Variants in TTC38 observed in about 807,000 individuals in gnomAD.
TTC38 encodes tetratricopeptide repeat protein 38.
Under a neutral mutation model 64.2 loss-of-function variants are expected in TTC38, and 64 were observed. That is an observed-to-expected ratio of 1.00 (90% CI 0.81 to 1.23). TTC38 has a LOEUF of 1.23. Among genes scored for constraint, TTC38 ranks in the 50% most tolerant of loss-of-function variants. The probability of loss-of-function intolerance (pLI) is 0.00; values close to 1 mark genes in which losing one functional copy is unlikely to be tolerated. For synonymous variants in TTC38, 254 were observed against 249.3 expected (o/e 1.02, Z -0.18); for missense variants, 573 against 615.5 (o/e 0.93, Z 0.73).
intron 5 of TTC38, among the ~76,000 whole-genome samples, chr22:46,277,958 T>C (rs9626842): frequency 6.6e-6 from 1 of 152,154 alleles, no homozygotes; most frequent in Non-Finnish European, 1.5e-5. Context: ...TGTTGATTCT[T>C]AGAAGGTGGG....
In TTC38 at chr22:46,293,005, G is replaced by C. The variant is rs528113421; in HGVS notation, c.*121G>C. 6 of 686,986 alleles carry C rather than the reference G, an allele frequency of 8.7e-6. No individual in the cohort carries two copies. Among genetic ancestry groups the C allele is most frequent in the Non-Finnish European group, 1.5e-5 (6 of 393,410 alleles). The allele number at this position is 686,986 out of a possible 1,614,324, so 42.6% of individuals were successfully genotyped here. A position where few individuals can be genotyped will look rare whatever the true frequency, so the allele number is the denominator to read the frequency against. On this transcript the variant is annotated 3_prime_UTR_variant, in exon 14 of 14. Coordinates refer to ENST00000381031, the MANE Select transcript of TTC38 (RefSeq NM_017931.4). This position sits in a 1 kb window ranked among gnomAD's most constrained non-coding sequence, Gnocchi z 6.6. Reference sequence around the variant, plus strand: ...GCCTGTTTGTTAGGGCTGTTAGAGGGTGATCTTCAGTTTTACAGGAAGTGG... The same window carrying C: ...GCCTGTTTGTTAGGGCTGTTAGAGGCTGATCTTCAGTTTTACAGGAAGTGG...
At chr22:46,278,738 A>ACGAATGGTGCCCC in intron 6 of TTC38, 77 bp downstream of exon 6, 1 of 1,181,354 alleles carries the variant, frequency 8.5e-7, no homozygotes, top group Non-Finnish European at 1.3e-6. Context: ...GAGGGGCACC[A>ACGAATGGTGCCCC]TTCGTGTGTG....
At chr22:46,287,298 G>A in intron 10 of TTC38, 144 bp downstream of exon 10, 2 of 654,516 alleles carry the variant, frequency 3.1e-6, no homozygotes, top group South Asian at 2.1e-5. Flanking sequence ...ACTGCCTTGG[G>A]TACCGTTCTG....
At position 46,272,381 on chromosome 22, in the gene TTC38, G is replaced by A. The variant is rs767490296; in HGVS notation, c.158G>A (p.Cys53Tyr). 1.2e-6 allele frequency: 2 copies of A among 1,610,508 alleles called. No individual in the cohort carries two copies. Among genetic ancestry groups the A allele is most frequent in the South Asian group, 2.2e-5 (2 of 90,826 alleles). The change falls in exon 3 of 14, where the codon TGC becomes TAC. Residue 53 changes from cysteine to tyrosine, a missense_variant. This residue lies in a region of TTC38 where 134 missense variants were observed against 126.5 expected (regional missense o/e 1.06). Coordinates refer to ENST00000381031, the MANE Select transcript of TTC38 (RefSeq NM_017931.4). The surrounding 1 kb of genome is among the most constrained non-coding windows in gnomAD (Gnocchi z 6.4). Reference sequence around the variant, plus strand: ...AAGAGTCTCGGTGGCATCGAGGGCTGCCTGTCAAAGCTCAAAGCAGCAGAT... The same window carrying A: ...AAGAGTCTCGGTGGCATCGAGGGCTACCTGTCAAAGCTCAAAGCAGCAGAT... ...NDKSLGGIEG[C>Y]LSKLKAADPT...
intron 5 of TTC38, 60 bp from the exon 6 acceptor site, chr22:46,278,526 C>G (rs753740966): frequency 7.0e-7 from 1 of 1,423,410 alleles, no homozygotes; most frequent in Non-Finnish European, 9.9e-7. Context: ...TGCGGGGACA[C>G]AGTTCAACCT....
intron 10 of TTC38, 145 bp from the exon 11 acceptor site, chr22:46,288,278 G>T: frequency 1.4e-6 from 1 of 728,588 alleles, no homozygotes; most frequent in Non-Finnish European, 2.3e-6. Flanking sequence ...GCCAGACGCT[G>T]CCCGTGGCCC....
Position 46,278,614 on chromosome 22 carries a change from T to G in TTC38, c.568T>G (p.Leu190Val). 1 of 1,614,182 alleles carries G rather than the reference T, an allele frequency of 6.2e-7. No individual in the cohort carries two copies. The highest frequency in any genetic ancestry group is 8.5e-7 in the Non-Finnish European group (1 of 1,180,026). ...SYVKGIYSFG[L>V]METNFYDQAE... ...TGTGAAAGGCATCTACTCTTTTGGC[T>G]TGATGGAAACCAACTTCTACGACCA... Residue 190 changes from leucine (L) to valine (V), a missense_variant, in exon 6 of 14, where the codon TTG becomes GTG. Coordinates refer to ENST00000381031, the MANE Select transcript of TTC38 (RefSeq NM_017931.4).
chr22:46,281,517 C>T lies in TTC38; in HGVS notation c.616-82C>T, dbSNP rs12166608. 1.7e-3 allele frequency: 2,664 copies of T among 1,566,388 alleles called. 52 individuals are homozygous for T. The African/African-American group carries it at 0.031, about 18-fold the overall frequency. On this transcript the variant is annotated intron_variant, in intron 6 of 13. Transcript: ENST00000381031. The surrounding 1 kb of genome is among the most constrained non-coding windows in gnomAD (Gnocchi z 5.2). The stretch of plus-strand genomic sequence containing the variant: ...CCCGTTCAGCCCAGGCCCCTCTTGC[C>T]CCTTAGAGACCTGCCGTCGCCTGCC...
Position 46,273,807 on chromosome 22 carries a change from C to T in TTC38, c.194-91C>T, listed in dbSNP as rs948550837. Reference sequence around the variant, plus strand: ...GCTGCCTGGCTGGCCCCTCCTGGGACGTGGGGTGTCTCTGTGACATGTGGA... The same window carrying T: ...GCTGCCTGGCTGGCCCCTCCTGGGATGTGGGGTGTCTCTGTGACATGTGGA... On this transcript the variant is annotated intron_variant, in intron 3 of 13. Coordinates refer to ENST00000381031, the MANE Select transcript of TTC38 (RefSeq NM_017931.4). The surrounding 1 kb of genome is among the most constrained non-coding windows in gnomAD (Gnocchi z 5.1). The T allele has an allele frequency of 1.6e-5, 21 of 1,349,084 alleles. No homozygotes were observed. Among genetic ancestry groups the T allele is most frequent in the African/African-American group, 7.2e-5 (5 of 69,462 alleles). 83.6% of individuals were successfully genotyped at this position (1,349,084 alleles called of 1,614,324 possible). A position where few individuals can be genotyped will look rare whatever the true frequency, so the allele number is the denominator to read the frequency against.
intron 13 of TTC38, among the ~76,000 whole-genome samples, chr22:46,290,356 A>G (rs538471147): frequency 2.3e-3 from 343 of 152,130 alleles, no homozygotes; most frequent in Middle Eastern, 6.8e-3. Flanking sequence ...TAGTCGGGGG[A>G]GCGACAGGGA....
Position 46,288,581 on chromosome 22 carries a change from G to A in TTC38, c.1075G>A (p.Ala359Thr), listed in dbSNP as rs765288180. The change falls in exon 11 of 14, where the codon GCC (alanine) becomes ACC (threonine). Residue 359 changes from alanine (A) to threonine (T), a missense_variant. By Grantham distance (58) the Ala-to-Thr change is moderately conservative. Around this residue, in one of 3 missense-constraint regions of TTC38, gnomAD observed 371 missense variants for 381.8 expected, o/e 0.97. Coordinates refer to ENST00000381031, the MANE Select transcript of TTC38 (RefSeq NM_017931.4). ...GGAGCTGCTGACCACCCTGCGGGACGCCAGCGAGTATGCAGAGGGGCCTTC... is the reference window on the plus strand; with the variant it reads ...GGAGCTGCTGACCACCCTGCGGGACACCAGCGAGTATGCAGAGGGGCCTTC... The part of the protein sequence containing the change: ...TQELLTTLRD[A>T]SESPGENCQH... The A allele has an allele frequency of 5.0e-6, 8 of 1,613,170 alleles. No homozygotes were observed. Among genetic ancestry groups the A allele is most frequent in the East Asian group, 4.5e-5 (2 of 44,876 alleles).
intron 8 of TTC38, among the ~76,000 whole-genome samples, chr22:46,284,951 T>C (rs1171828048): frequency 2.0e-5 from 3 of 151,060 alleles, no homozygotes; most frequent in Non-Finnish European, 4.4e-5. Context: ...GCAATACCTA[T>C]ATTAACTTTC....
chr22:46,290,520 G>T (rs981558595), intron 13 of TTC38, among the ~76,000 whole-genome samples: 2 of 149,836 alleles, frequency 1.3e-5, no homozygotes, highest in Non-Finnish European at 2.9e-5. Context: ...GCTGGAGGGT[G>T]AGTGTGTTAG....
chr22:46,275,229 A>G lies in TTC38; in HGVS notation c.366-19A>G, dbSNP rs374324654. On this transcript the variant is annotated intron_variant, in intron 4 of 13. Transcript: ENST00000381031. The surrounding 1 kb of genome is among the most constrained non-coding windows in gnomAD (Gnocchi z 4.5). ...GACTATGTGTTCAGCGTTGGTGAGA[A>G]ATCTTTCTCGGTTTCCAGGAACTTT... The G allele has an allele frequency of 9.9e-5, 160 of 1,610,080 alleles. No homozygotes were observed. The highest frequency in any genetic ancestry group is 1.3e-4 in the Non-Finnish European group (151 of 1,178,362).
At position 46,273,934 on chromosome 22, in the gene TTC38, T is replaced by C. The variant is rs1334768669; in HGVS notation, c.230T>C (p.Ile77Thr). 3 of 1,614,254 alleles carry C rather than the reference T, an allele frequency of 1.9e-6. No homozygotes were observed. The highest frequency in any genetic ancestry group is 1.1e-5 in the South Asian group (1 of 91,088). The change falls in exon 4 of 14, where the codon ATT becomes ACT. Residue 77 changes from isoleucine (I) to threonine (T), a missense_variant. Ile to Thr is a moderately conservative substitution (Grantham distance 89). Around this residue, in one of 3 missense-constraint regions of TTC38, gnomAD observed 134 missense variants for 126.5 expected, o/e 1.06. Transcript: ENST00000381031. The surrounding 1 kb of genome is among the most constrained non-coding windows in gnomAD (Gnocchi z 5.1). ...GHAMATGLVL[I>T]GTGSSVKLDK... ...GCCATGGCTACTGGCCTTGTGCTGA[T>C]TGGCACTGGAAGCTCCGTGAAGCTG...
chr22:46,272,606 T>C lies in TTC38; in HGVS notation c.193+190T>C, dbSNP rs1320402383. ...GGAAAAACAGTCACTCCCATAAAGA[T>C]GCCAGGTTCTATCAGAAGGCATTTT... On this transcript the variant is annotated intron_variant, in intron 3 of 13. Coordinates refer to ENST00000381031, the MANE Select transcript of TTC38 (RefSeq NM_017931.4). This position sits in a 1 kb window ranked among gnomAD's most constrained non-coding sequence, Gnocchi z 6.4. 6.6e-6 allele frequency among the ~76,000 whole-genome samples: 1 copy of C among 152,098 alleles called. No homozygotes were observed. Among genetic ancestry groups the C allele is most frequent in the Non-Finnish European group, 1.5e-5 (1 of 68,016 alleles).
In TTC38 at chr22:46,280,780, C is replaced by T. The variant is rs527694981; in HGVS notation, c.616-819C>T. On this transcript the variant is annotated intron_variant, in intron 6 of 13. Transcript: ENST00000381031. ...GGGGCTTCTGGACCCCTATGAAAGGCGTGGGGAGACTGAGGCAGTGGGGCT... is the reference window on the plus strand; with the variant it reads ...GGGGCTTCTGGACCCCTATGAAAGGTGTGGGGAGACTGAGGCAGTGGGGCT... 1.0e-3 allele frequency among the ~76,000 whole-genome samples: 155 copies of T among 152,258 alleles called. 1 individual carries two copies. The highest frequency in any genetic ancestry group is 3.6e-3 in the African/African-American group (148 of 41,560).
In TTC38 at chr22:46,272,542, T is replaced by C; in HGVS notation, c.193+126T>C. ...GGGTGGCAGCAACCAGGGTGGCATT[T>C]GCACAGAGGGAGAGAAGATGACAGC... On this transcript the variant is annotated intron_variant, in intron 3 of 13. Transcript: ENST00000381031. The surrounding 1 kb of genome is among the most constrained non-coding windows in gnomAD (Gnocchi z 6.4). 1.4e-6 allele frequency: 1 copy of C among 714,756 alleles called. No homozygotes were observed. The highest frequency in any genetic ancestry group is 2.4e-6 in the Non-Finnish European group (1 of 409,062). The allele number at this position is 714,756 out of a possible 1,614,324, so 44.3% of individuals were successfully genotyped here. A position where few individuals can be genotyped will look rare whatever the true frequency, so the allele number is the denominator to read the frequency against.
At chr22:46,286,372 A>C (rs949576697) in intron 9 of TTC38, among the ~76,000 whole-genome samples, 2 of 152,058 alleles carry the variant, frequency 1.3e-5, no homozygotes, top group Admixed American at 6.6e-5. Flanking sequence ...GTAAGAAATG[A>C]AGGGTGGGCC....
Sources: allele counts gnomAD v4.1 joint callset (sites outside exome capture counted in the v4.1 genomes callset), GRCh38; gene constraint gnomAD v4.1.1; regional missense constraint gnomAD v4.1.1; non-coding constraint Gnocchi (gnomAD v3.1); transcripts MANE v1.5; gene names NCBI Gene and HGNC (gene_info 2026-07-23, HGNC 2026-07-21).